Variants in ADGRV1 observed in about 807,000 individuals in gnomAD.
ADGRV1 encodes adhesion G protein-coupled receptor V1.
In ADGRV1, 359 loss-of-function variants were observed where a neutral mutation model predicts 596.2. The ratio of observed to expected loss-of-function variants is 0.60; its 90% CI spans 0.55 to 0.66. The LOEUF is 0.66. ADGRV1 is among the 30% of genes least tolerant of loss of function. ADGRV1 has a pLI of 0.00. For synonymous variants in ADGRV1, 2,681 were observed against 2,679.2 expected (o/e 1.00, Z -0.02); for missense variants, 7,274 against 7,575.6 (o/e 0.96, Z 1.48).
At chr5:90,614,596 A>G (rs1339940569) in intron 1 of ADGRV1, 11 of 483,312 alleles carry the variant, frequency 2.3e-5, no homozygotes, top group Non-Finnish European at 4.1e-5. Context: ...ATCTTGGTAT[A>G]GAAGCTAAAA....
intron 1 of ADGRV1, among the ~76,000 whole-genome samples, chr5:90,570,268 GCCTC>G: frequency 6.6e-6 from 1 of 152,112 alleles, no homozygotes; most frequent in East Asian, 1.9e-4. Context: ...CTGCCTTCTA[GCCTC>G]CTAGGCTAGA....
Position 90,694,527 on chromosome 5 carries a change from G to A in ADGRV1, c.7771G>A (p.Glu2591Lys), listed in dbSNP as rs757315634. The A allele has an allele frequency of 5.6e-5, 91 of 1,613,864 alleles. No homozygotes were observed. Among genetic ancestry groups the A allele is most frequent in the Non-Finnish European group, 6.4e-5 (76 of 1,179,818 alleles). Reference protein sequence around the residue: ...VIYNISPNTSEDGLFVEVQEQ... With the variant: ...VIYNISPNTSKDGLFVEVQEQ... ...CTACAATATTAGTCCCAATACTTCC[G>A]AAGATGGCTTATTTGTTGAAGTTCA... Residue 2591 changes from glutamate to lysine, a missense_variant, in exon 33 of 90, where the codon GAA becomes AAA. Transcript: ENST00000405460.
intron 1 of ADGRV1, among the ~76,000 whole-genome samples, chr5:90,595,084 C>T (rs1225608010): frequency 7.1e-6 from 1 of 139,876 alleles, no homozygotes; most frequent in African/African-American, 2.9e-5. Flanking sequence ...CCCCTCACCT[C>T]CCGGACGGGG....
chr5:90,655,489 C>G (rs1355439334), intron 20 of ADGRV1: 1 of 152,112 alleles, frequency 6.6e-6, no homozygotes, highest in South Asian at 2.1e-4. Context: ...ACATATAGTA[C>G]TTCTATGGAT....
intron 85 of ADGRV1, among the ~76,000 whole-genome samples, chr5:91,025,808 C>T (rs1387376735): frequency 1.3e-5 from 2 of 152,138 alleles, no homozygotes; most frequent in African/African-American, 4.8e-5. Context: ...ACTGTTGTTT[C>T]ACTGTGATCA....
chr5:90,952,914 A>G (rs2150913301), intron 83 of ADGRV1, among the ~76,000 whole-genome samples: 1 of 152,118 alleles, frequency 6.6e-6, no homozygotes, highest in South Asian at 2.1e-4. Flanking sequence ...TTGTTTTGTC[A>G]CCTATTTTGT....
intron 33 of ADGRV1, among the ~76,000 whole-genome samples, chr5:90,695,411 T>G (rs1380351644): frequency 6.6e-6 from 1 of 152,110 alleles, no homozygotes; most frequent in Non-Finnish European, 1.5e-5. Context: ...TCTCTGGGTG[T>G]GGGACAGGTA....
chr5:90,895,093 T>A (rs1037163256), intron 83 of ADGRV1, among the ~76,000 whole-genome samples: 1 of 142,322 alleles, frequency 7.0e-6, no homozygotes. Flanking sequence ...CATGTCTGGC[T>A]AATTTTTTTT....
At chr5:90,916,631 A>T (rs1019421322) in intron 83 of ADGRV1, among the ~76,000 whole-genome samples, 20 of 124,684 alleles carry the variant, frequency 1.6e-4, no homozygotes, top group African/African-American at 4.2e-4. Context: ...GCGTTCACAA[A>T]TTTTTTTTTT....
chr5:91,081,021 A>G (rs761156029), intron 86 of ADGRV1, among the ~76,000 whole-genome samples: 4 of 152,122 alleles, frequency 2.6e-5, no homozygotes, highest in Non-Finnish European at 5.9e-5. Context: ...AATACCATAG[A>G]CTGGGTGTCC....
intron 39 of ADGRV1, among the ~76,000 whole-genome samples, chr5:90,710,762 T>A (rs1452842266): frequency 2.0e-5 from 3 of 152,190 alleles, no homozygotes; most frequent in Non-Finnish European, 4.4e-5. Context: ...CTCAGTTGAT[T>A]AAATTTCTAT....
chr5:90,786,485 T>C (rs2150116357), intron 67 of ADGRV1, among the ~76,000 whole-genome samples: 1 of 152,292 alleles, frequency 6.6e-6, no homozygotes, highest in Admixed American at 6.5e-5. Context: ...GATTGTCTTT[T>C]AAAGCAGCTC....
In ADGRV1 at chr5:90,676,088, T is replaced by C. The variant is rs1450094415; in HGVS notation, c.5322T>C (p.Ala1774=). 6.3e-7 allele frequency: 1 copy of C among 1,598,062 alleles called. No homozygotes were observed. Among genetic ancestry groups the C allele is most frequent in the South Asian group, 1.1e-5 (1 of 89,296 alleles). ...AFSPEDYQNV[A]GTLEFQPGER... is the part of the protein sequence containing the mutation. The stretch of plus-strand genomic sequence containing the variant: ...AGTCTTTTATATTTCAGAATGTTGC[T>C]GGCACATTAGAATTTCAACCAGGAG... Residue 1774 remains alanine, a synonymous_variant, in exon 25 of 90, where the codon GCT becomes GCC. Coordinates refer to ENST00000405460, the MANE Select transcript of ADGRV1 (RefSeq NM_032119.4).
chr5:90,590,458 G>T (rs1759340144), intron 1 of ADGRV1, among the ~76,000 whole-genome samples: 1 of 152,160 alleles, frequency 6.6e-6, no homozygotes, highest in Admixed American at 6.5e-5. Context: ...ATTCCATGTG[G>T]CTAGCTTAGG....
intron 21 of ADGRV1, among the ~76,000 whole-genome samples, chr5:90,670,117 C>T (rs1223339251): frequency 2.0e-5 from 3 of 152,102 alleles, no homozygotes; most frequent in Non-Finnish European, 4.4e-5. Flanking sequence ...TCTTTAGTTA[C>T]AACTTGATGC....
In ADGRV1 at chr5:90,582,635, G is replaced by A. The variant is rs549574706; in HGVS notation, c.22+23718G>A. On this transcript the variant is annotated intron_variant, in intron 1 of 89. Coordinates refer to ENST00000405460, the MANE Select transcript of ADGRV1 (RefSeq NM_032119.4). ...GCTGGAGTATAGTGGTATCATCATT[G>A]CTCACTGCAGCCTTGAGCTCCTGGA... Among the ~76,000 whole-genome samples, 3 of 152,186 alleles carry A rather than the reference G, an allele frequency of 2.0e-5. No homozygotes were observed. The South Asian group carries it at 6.2e-4, about 32-fold the overall frequency.
chr5:91,009,058 T>G (rs953535967), intron 85 of ADGRV1, among the ~76,000 whole-genome samples: 1 of 152,206 alleles, frequency 6.6e-6, no homozygotes, highest in Non-Finnish European at 1.5e-5. Context: ...CTGTTGCATT[T>G]ATATGCAGCT....
intron 84 of ADGRV1, among the ~76,000 whole-genome samples, chr5:90,981,664 G>A (rs1167161542): frequency 6.6e-6 from 1 of 152,124 alleles, no homozygotes; most frequent in African/African-American, 2.4e-5. Context: ...CTGCCAGAAT[G>A]GGCTCTGGTC....
At chr5:91,006,537 G>T (rs1215768963) in intron 85 of ADGRV1, among the ~76,000 whole-genome samples, 1 of 151,960 alleles carries the variant, frequency 6.6e-6, no homozygotes, top group Non-Finnish European at 1.5e-5. Context: ...GTATCAATTA[G>T]TAAGATGTTC....
Sources: gnomAD v4.1 joint callset for allele counts (sites outside exome capture counted in the v4.1 genomes callset) on GRCh38, gnomAD v4.1.1 for gene constraint, MANE v1.5 for transcripts, NCBI Gene and HGNC (gene_info 2026-07-23, HGNC 2026-07-21) for gene names.